The following PROM2 variants were observed in gnomAD, a reference collection of about 807,000 sequenced individuals.
The protein encoded by PROM2 is prominin-2.
Under a neutral mutation model 110.2 loss-of-function variants are expected in PROM2, and 90 were observed. That is an observed-to-expected ratio of 0.82 (90% CI 0.69 to 0.97). PROM2 has a LOEUF of 0.97. Ranked by LOEUF, PROM2 falls within the 50% of genes least tolerant of loss-of-function variation. PROM2 has a pLI of 0.00. For missense variants in PROM2, 1,009 were observed against 1,074.8 expected (o/e 0.94, Z 0.86); for synonymous variants, 470 against 467.8 (o/e 1.00, Z -0.06).
At chr2:95,282,345 C>T (rs189718540) in intron 14 of PROM2, 119 bp downstream of exon 14, 93 of 860,508 alleles carry the variant, frequency 1.1e-4, no homozygotes, top group Middle Eastern at 6.5e-4. Flanking sequence ...TCTGTGTGAG[C>T]GATTAAGGTG....
At position 95,278,007 on chromosome 2, in the gene PROM2, G is replaced by T; in HGVS notation, c.1050+3G>T. ...ACTTCTCCAGCATGGTCCAGGAGGT[G>T]AGAGCCACCTGGTCTGCCTGATTTC... is the stretch of plus-strand genomic sequence containing the variant. On this transcript the variant is annotated splice_donor_region_variant and intron_variant, in intron 8 of 23. Coordinates refer to ENST00000317620, the MANE Select transcript of PROM2 (RefSeq NM_001165978.3). The T allele has an allele frequency of 1.2e-6, 2 of 1,607,710 alleles. No individual in the cohort carries two copies. Among genetic ancestry groups the T allele is most frequent in the Non-Finnish European group, 1.7e-6 (2 of 1,177,170 alleles).
chr2:95,274,903 A>G (rs35733728), intron 1 of PROM2, 74 bp downstream of exon 1: 22,332 of 1,455,680 alleles, frequency 0.015, 204 homozygotes, highest in Non-Finnish European at 0.017. Flanking sequence ...CCACTCTACC[A>G]TGGGATGTGC....
chr2:95,286,965 G>A (rs1408287249), intron 18 of PROM2, 108 bp downstream of exon 18: 1 of 1,402,728 alleles, frequency 7.1e-7, no homozygotes, highest in Non-Finnish European at 1.0e-6. Context: ...CAGGTTGCAG[G>A]TGGGGTTGGG....
Position 95,289,486 on chromosome 2 carries a change from G to A in PROM2, c.*273G>A, listed in dbSNP as rs1677573051. 6.3e-6 allele frequency: 1 copy of A among 159,530 alleles called. No individual in the cohort carries two copies. Among genetic ancestry groups the A allele is most frequent in the African/African-American group, 2.4e-5 (1 of 41,388 alleles). 9.9% of individuals were successfully genotyped at this position (159,530 alleles called of 1,614,324 possible). A position where few individuals can be genotyped will look rare whatever the true frequency, so the allele number is the denominator to read the frequency against. ...GGTGTCACCCCTTACCCCCATGCTG[G>A]TGGCATCCTCACAGGAAGAGCCTGT... On this transcript the variant is annotated 3_prime_UTR_variant, in exon 24 of 24. Transcript: ENST00000317620.
At chr2:95,288,627 C>G in intron 22 of PROM2, 38 bp downstream of exon 22, 1 of 1,562,130 alleles carries the variant, frequency 6.4e-7, no homozygotes, top group Non-Finnish European at 8.8e-7. Context: ...CATCAGGGGC[C>G]AGGGAGGTGT....
intron 14 of PROM2, among the ~76,000 whole-genome samples, chr2:95,282,502 G>A (rs376984174): frequency 6.6e-6 from 1 of 152,178 alleles, no homozygotes; most frequent in East Asian, 1.9e-4. Context: ...AGGATGAGGG[G>A]GCCCATGTGT....
intron 6 of PROM2, 66 bp from the exon 7 acceptor site, chr2:95,277,298 G>A (rs537244318): frequency 6.6e-7 from 1 of 1,505,686 alleles, no homozygotes; most frequent in Non-Finnish European, 9.0e-7. Context: ...GGGGAGTTCT[G>A]CCTCCTGCAA....
At chr2:95,287,254 G>A in intron 19 of PROM2, 41 bp downstream of exon 19, 1 of 1,600,954 alleles carries the variant, frequency 6.2e-7, no homozygotes, top group Non-Finnish European at 8.6e-7. Context: ...TCCACCCCAG[G>A]CTTCTCCAGT....
rs558717781 is a variant in PROM2 at position 95,285,768 on chromosome 2, G to A, written c.1947+58G>A. ...AGGAGCCACAGGGGGCTTGGGAGGC[G>A]GGAAAGGGTGGGAGGATGTGAGGGC... On this transcript the variant is annotated intron_variant, in intron 16 of 23. Transcript: ENST00000317620. 1.3e-4 allele frequency: 196 copies of A among 1,497,150 alleles called. 1 individual carries two copies. The African/African-American group carries it at 1.9e-3, about 15-fold the overall frequency. The allele number at this position is 1,497,150 out of a possible 1,614,324, so 92.7% of individuals were successfully genotyped here. A position where few individuals can be genotyped will look rare whatever the true frequency, so the allele number is the denominator to read the frequency against.
chr2:95,288,261 C>G lies in PROM2; in HGVS notation c.2295C>G (p.Asn765Lys). 6.2e-7 allele frequency: 1 copy of G among 1,614,132 alleles called. No homozygotes were observed. The highest frequency in any genetic ancestry group is 1.1e-5 in the South Asian group (1 of 91,086). ...TCQPLSGALD[N>K]SRVILCDMMA... ...AGCCCCTCTCCGGAGCCCTGGACAA[C>G]AGCCGTGTGATCCTGTGTGACATGA... The change falls in exon 21 of 24, where the codon AAC becomes AAG. Residue 765 changes from asparagine (N) to lysine (K), a missense_variant. Asn to Lys is a moderately conservative substitution (Grantham distance 94). Coordinates refer to ENST00000317620, the MANE Select transcript of PROM2 (RefSeq NM_001165978.3).
Position 95,275,661 on chromosome 2 carries a change from C to A in PROM2, c.294+151C>A. On this transcript the variant is annotated intron_variant, in intron 2 of 23. Transcript: ENST00000317620. This position sits in a 1 kb window ranked among gnomAD's most constrained non-coding sequence, Gnocchi z 4.4. Reference sequence around the variant, plus strand: ...CCTCTCCCCTCCTCTGTGGGCGCTGCAGTCCGTAGACCTGGGTGCAAACCA... The same window carrying A: ...CCTCTCCCCTCCTCTGTGGGCGCTGAAGTCCGTAGACCTGGGTGCAAACCA... 1 of 1,354,008 alleles carries A rather than the reference C, an allele frequency of 7.4e-7. No individual in the cohort carries two copies. Among genetic ancestry groups the A allele is most frequent in the Non-Finnish European group, 9.9e-7 (1 of 1,007,966 alleles). The allele number at this position is 1,354,008 out of a possible 1,614,324, so 83.9% of individuals were successfully genotyped here. A position where few individuals can be genotyped will look rare whatever the true frequency, so the allele number is the denominator to read the frequency against.
Position 95,281,236 on chromosome 2 carries a change from C to G in PROM2, c.1428-6C>G. On this transcript the variant is annotated splice_polypyrimidine_tract_variant and splice_region_variant and intron_variant, in intron 11 of 23. Transcript: ENST00000317620. ...GTCCCTCAGTCCTGCCTCTCGCCTA[C>G]CCCAGAGGTGTGGGCCTCAGCTTCC... 6.2e-7 allele frequency: 1 copy of G among 1,611,988 alleles called. No homozygotes were observed. The highest frequency in any genetic ancestry group is 1.1e-5 in the South Asian group (1 of 91,070).
At position 95,291,083 on chromosome 2, in the gene PROM2, C is replaced by T. The variant is rs894453219; in HGVS notation, c.*1870C>T. 6.6e-6 allele frequency: 1 copy of T among 152,138 alleles called. No individual in the cohort carries two copies. Among genetic ancestry groups the T allele is most frequent in the Non-Finnish European group, 1.5e-5 (1 of 68,038 alleles). The allele number at this position is 152,138 out of a possible 1,614,324, so 9.4% of individuals were successfully genotyped here. On this transcript the variant is annotated 3_prime_UTR_variant, in exon 24 of 24. Transcript: ENST00000317620. The stretch of plus-strand genomic sequence containing the variant: ...GGCTGGAAGTGTCTATGTTTAACTG[C>T]ATCTTATAAACCAGCAACAAGTTTT...
In PROM2 at chr2:95,275,778, A is replaced by G; in HGVS notation, c.295-152A>G. 1 of 1,473,364 alleles carries G rather than the reference A, an allele frequency of 6.8e-7. No homozygotes were observed. The highest frequency in any genetic ancestry group is 9.0e-7 in the Non-Finnish European group (1 of 1,114,676). The allele number at this position is 1,473,364 out of a possible 1,614,324, so 91.3% of individuals were successfully genotyped here. On this transcript the variant is annotated intron_variant, in intron 2 of 23. Transcript: ENST00000317620. The surrounding 1 kb of genome is among the most constrained non-coding windows in gnomAD (Gnocchi z 4.4). ...CTGTGTAAGATGGTGATGAGCAGTA[A>G]GAATGCGGTCACCTCTGGGACGGGT... is the stretch of plus-strand genomic sequence containing the variant.
chr2:95,285,806 C>A, intron 16 of PROM2, 96 bp downstream of exon 16: 1 of 1,197,890 alleles, frequency 8.3e-7, no homozygotes, highest in Non-Finnish European at 1.2e-6. Context: ...AGGCAGGGAA[C>A]TGAGGACCCC....
chr2:95,278,937 G>T, intron 9 of PROM2, 48 bp from the exon 10 acceptor site: 1 of 1,597,528 alleles, frequency 6.3e-7, no homozygotes, highest in Non-Finnish European at 8.6e-7. Context: ...TTGTTCCTGG[G>T]CCCCAGGGTG....
chr2:95,285,217 G>T (rs1288202983), intron 15 of PROM2, 102 bp downstream of exon 15: 1 of 1,313,660 alleles, frequency 7.6e-7, no homozygotes, highest in Admixed American at 2.8e-5. Context: ...CCCAGCTCTG[G>T]CTCTTCCACA....
chr2:95,278,870 G>A (rs1426839742), intron 9 of PROM2, 86 bp downstream of exon 9: 1 of 1,606,498 alleles, frequency 6.2e-7, no homozygotes, highest in Non-Finnish European at 8.5e-7. Flanking sequence ...GAGGACTGGG[G>A]TGGCGGGGGA....
rs1325629307 is a variant in PROM2 at position 95,290,255 on chromosome 2, G to A, written c.*1042G>A. 3.3e-5 allele frequency: 5 copies of A among 152,326 alleles called. No individual in the cohort carries two copies. Among genetic ancestry groups the A allele is most frequent in the Non-Finnish European group, 7.3e-5 (5 of 68,110 alleles). The allele number at this position is 152,326 out of a possible 1,614,324, so 9.4% of individuals were successfully genotyped here. A position where few individuals can be genotyped will look rare whatever the true frequency, so the allele number is the denominator to read the frequency against. On this transcript the variant is annotated 3_prime_UTR_variant, in exon 24 of 24. Coordinates refer to ENST00000317620, the MANE Select transcript of PROM2 (RefSeq NM_001165978.3). ...GTGCTGGACACTGCGTTCCAGAAAT[G>A]AGGAAGAGGAGAGAGAAGAGATGGA...
Sources: allele counts gnomAD v4.1 joint callset (sites outside exome capture counted in the v4.1 genomes callset), GRCh38; gene constraint gnomAD v4.1.1; non-coding constraint Gnocchi (gnomAD v3.1); transcripts MANE v1.5; gene names NCBI Gene and HGNC (gene_info 2026-07-23, HGNC 2026-07-21).